Variants in SLC2A13 observed in about 807,000 individuals in gnomAD.
SLC2A13 encodes solute carrier family 2 member 13.
SLC2A13 carries 32 observed loss-of-function variants against 64.4 expected under a neutral mutation model. That is an observed-to-expected ratio of 0.50 (90% confidence interval 0.37 to 0.67). The LOEUF is 0.67. Ranked by LOEUF, SLC2A13 falls within the 30% of genes least tolerant of loss-of-function variation. The probability of loss-of-function intolerance (pLI) is 0.00; values close to 1 mark genes in which losing one functional copy is unlikely to be tolerated. For missense variants in SLC2A13, 743 were observed against 829.2 expected (o/e 0.90, Z 1.28); for synonymous variants, 338 against 327.1 (o/e 1.03, Z -0.36).
intron 4 of SLC2A13, among the ~76,000 whole-genome samples, chr12:39,874,857 T>C (rs1452674130): frequency 6.6e-6 from 1 of 152,150 alleles, no homozygotes; most frequent in South Asian, 2.1e-4. Context: ...TAAAGGTATA[T>C]TGTTCTGAAG....
chr12:40,050,193 A>G (rs1162829378), intron 1 of SLC2A13, among the ~76,000 whole-genome samples: 1 of 152,164 alleles, frequency 6.6e-6, no homozygotes, highest in Non-Finnish European at 1.5e-5. Context: ...CATAATTCAA[A>G]CAATAATTTA....
intron 4 of SLC2A13, among the ~76,000 whole-genome samples, chr12:39,875,269 AG>A (rs1319706526): frequency 6.6e-6 from 1 of 152,130 alleles, no homozygotes; most frequent in Non-Finnish European, 1.5e-5. Context: ...CAGCTTTTAG[AG>A]GTCTCCTAAT....
chr12:39,947,992 A>G (rs1436279457), intron 4 of SLC2A13, among the ~76,000 whole-genome samples: 1 of 152,082 alleles, frequency 6.6e-6, no homozygotes, highest in African/African-American at 2.4e-5. Context: ...AACCATCATC[A>G]TCTTCATCTA....
chr12:39,945,616 T>C (rs1946119502), intron 4 of SLC2A13, among the ~76,000 whole-genome samples: 1 of 152,172 alleles, frequency 6.6e-6, no homozygotes, highest in African/African-American at 2.4e-5. Context: ...GCTCTGAATT[T>C]CTTTCTTCTA....
chr12:39,895,813 T>TGTATATGCGTGTATACGCAC (rs1944785652), intron 4 of SLC2A13, among the ~76,000 whole-genome samples: 1 of 86,874 alleles, frequency 1.2e-5, no homozygotes, highest in African/African-American at 5.4e-5. Context: ...CGTGTATACG[T>TGTATATGCGTGTATACGCAC]ACACACATGT....
rs1555152635 is a variant in SLC2A13, at chr12:40,018,451, G to GAATTTCTTTGAGATTTCTCAATAGTAT, written c.925+9849_925+9850insATACTATTGAGAAATCTCAAAGAAATT. Among the ~76,000 whole-genome samples the GAATTTCTTTGAGATTTCTCAATAGTAT allele has an allele frequency of 3.9e-5, 6 of 152,248 alleles. No homozygotes were observed. In the East Asian group the frequency reaches 1.2e-3, roughly 29 times the overall value. On this transcript the variant is annotated intron_variant, in intron 3 of 9. Coordinates refer to ENST00000280871, the MANE Select transcript of SLC2A13 (RefSeq NM_052885.4). ...AGATCACCATTCTACTTTCTCAATA[G>GAATTTCTTTGAGATTTCTCAATAGTAT]TTCTTTCTTGTGGATGAAATACGAT...
intron 7 of SLC2A13, among the ~76,000 whole-genome samples, chr12:39,797,643 T>C (rs1941620055): frequency 6.6e-6 from 1 of 152,018 alleles, no homozygotes; most frequent in Non-Finnish European, 1.5e-5. Flanking sequence ...ATGAAGCAGA[T>C]AATGTCATCA....
intron 6 of SLC2A13, among the ~76,000 whole-genome samples, chr12:39,839,024 T>C (rs75071724): frequency 0.013 from 2,045 of 152,208 alleles, 25 homozygotes; most frequent in Non-Finnish European, 0.023. Context: ...GTAATTGTGC[T>C]CACTCACTCC....
intron 1 of SLC2A13, among the ~76,000 whole-genome samples, chr12:40,098,222 CAAGTG>C (rs1359823276): frequency 1.3e-5 from 2 of 152,076 alleles, no homozygotes; most frequent in Non-Finnish European, 2.9e-5. Context: ...TGATGAACCT[CAAGTG>C]AAGTAAGCCA....
At chr12:39,875,832 G>A (rs1259063898) in intron 4 of SLC2A13, among the ~76,000 whole-genome samples, 1 of 152,112 alleles carries the variant, frequency 6.6e-6, no homozygotes, top group Non-Finnish European at 1.5e-5. Flanking sequence ...AATGATGTCA[G>A]CCAACCATTT....
chr12:40,007,198 C>G (rs1018128300), intron 3 of SLC2A13, among the ~76,000 whole-genome samples: 1 of 152,162 alleles, frequency 6.6e-6, no homozygotes, highest in Non-Finnish European at 1.5e-5. Flanking sequence ...GAGAAGGGAA[C>G]TCATTCATAA....
chr12:39,967,066 T>C (rs1946532038), intron 3 of SLC2A13, among the ~76,000 whole-genome samples: 2 of 152,158 alleles, frequency 1.3e-5, no homozygotes, highest in Admixed American at 1.3e-4. Context: ...AGGATGTGTC[T>C]ATTTAAAATA....
chr12:39,795,196 C>T (rs1490256646), intron 7 of SLC2A13, among the ~76,000 whole-genome samples: 1 of 151,886 alleles, frequency 6.6e-6, no homozygotes, highest in Non-Finnish European at 1.5e-5. Context: ...CCCCCCACCT[C>T]TCTCTCTCTC....
At chr12:39,934,719 C>A (rs935363931) in intron 4 of SLC2A13, among the ~76,000 whole-genome samples, 1 of 152,164 alleles carries the variant, frequency 6.6e-6, no homozygotes, top group African/African-American at 2.4e-5. Context: ...GTTAAATCTA[C>A]TTTATACATT....
intron 6 of SLC2A13, among the ~76,000 whole-genome samples, chr12:39,837,821 C>A (rs1363162178): frequency 6.6e-6 from 1 of 151,994 alleles, no homozygotes; most frequent in Non-Finnish European, 1.5e-5. Context: ...GAATGGCAAT[C>A]ATTAAAAAGT....
At chr12:39,959,293 C>A (rs1297916144) in intron 3 of SLC2A13, among the ~76,000 whole-genome samples, 1 of 152,232 alleles carries the variant, frequency 6.6e-6, no homozygotes, top group Admixed American at 6.5e-5. Flanking sequence ...ATGAATTCAA[C>A]CCCATGTGGT....
Position 39,836,304 on chromosome 12 carries a change from G to A in SLC2A13, c.1320-6076C>T, listed in dbSNP as rs144588559. 6.1e-3 allele frequency among the ~76,000 whole-genome samples: 934 copies of A among 152,208 alleles called. 11 individuals carry two copies. The highest frequency in any genetic ancestry group is 0.021 in the African/African-American group (886 of 41,546). Reference sequence around the variant, plus strand: ...TGCAGATATATTAGAAACTCAAATAGAGGAAATTAGAGTCCAGGCAAGTAC... The same window carrying A: ...TGCAGATATATTAGAAACTCAAATAAAGGAAATTAGAGTCCAGGCAAGTAC... On this transcript the variant is annotated intron_variant, in intron 6 of 9. Coordinates refer to ENST00000280871, the MANE Select transcript of SLC2A13 (RefSeq NM_052885.4).
intron 3 of SLC2A13, among the ~76,000 whole-genome samples, chr12:39,965,703 G>C (rs191752280): frequency 9.9e-4 from 151 of 152,206 alleles, no homozygotes; most frequent in Admixed American, 1.6e-3. Flanking sequence ...TTTTAGGATA[G>C]AGTACAATTT....
At chr12:40,100,766 C>G (rs1439596408) in intron 1 of SLC2A13, among the ~76,000 whole-genome samples, 3 of 151,896 alleles carry the variant, frequency 2.0e-5, no homozygotes, top group Non-Finnish European at 4.4e-5. Context: ...GAGTTCGAGA[C>G]CAGCTTGGCC....
Sources: allele counts gnomAD v4.1 joint callset (sites outside exome capture counted in the v4.1 genomes callset), GRCh38; gene constraint gnomAD v4.1.1; transcripts MANE v1.5; gene names NCBI Gene and HGNC (gene_info 2026-07-23, HGNC 2026-07-21).